The following STAP1 variants were observed in gnomAD, a reference collection of about 807,000 sequenced individuals.
STAP1 encodes the protein signal-transducing adaptor protein 1.
STAP1 carries 30 observed loss-of-function variants against 37.8 expected under a neutral mutation model. The observed-to-expected ratio is 0.79, with a 90% CI of 0.59 to 1.08. STAP1 has a LOEUF of 1.08. Among genes scored for constraint, STAP1 ranks in the 50% least tolerant of loss-of-function variants. The probability of loss-of-function intolerance (pLI) is 0.00; values close to 1 mark genes in which losing one functional copy is unlikely to be tolerated. For missense variants in STAP1, 357 were observed against 349.4 expected (o/e 1.02, Z -0.17); for synonymous variants, 130 against 116.0 (o/e 1.12, Z -0.78).
chr4:67,567,925 A>G (rs1251226413), intron 1 of STAP1, among the ~76,000 whole-genome samples: 1 of 152,234 alleles, frequency 6.6e-6, no homozygotes, highest in Admixed American at 6.5e-5. Context: ...TGAGAAATAG[A>G]AATCATTTGC....
At chr4:67,605,113 T>C (rs1728422908) in intron 8 of STAP1, among the ~76,000 whole-genome samples, 1 of 152,172 alleles carries the variant, frequency 6.6e-6, no homozygotes, top group South Asian at 2.1e-4. Flanking sequence ...TTCCTGGTGT[T>C]CTAGCTAGAA....
At chr4:67,576,662 T>G (rs1167681568) in intron 3 of STAP1, among the ~76,000 whole-genome samples, 1 of 152,104 alleles carries the variant, frequency 6.6e-6, no homozygotes, top group Non-Finnish European at 1.5e-5. Context: ...ACAGGCTAAT[T>G]TTTTGTATTT....
At chr4:67,584,606 A>C (rs1727940069) in intron 6 of STAP1, among the ~76,000 whole-genome samples, 1 of 152,244 alleles carries the variant, frequency 6.6e-6, no homozygotes, top group Admixed American at 6.5e-5. Context: ...ATTTAAGCAG[A>C]GAGCTGAAGG....
chr4:67,578,332 A>G (rs903212380), intron 4 of STAP1, among the ~76,000 whole-genome samples: 8 of 152,242 alleles, frequency 5.3e-5, no homozygotes, highest in African/African-American at 1.7e-4. Flanking sequence ...CACAGATTCT[A>G]TCCAAAGCTA....
chr4:67,581,629 A>G (rs544994479), intron 5 of STAP1, among the ~76,000 whole-genome samples, 158 bp downstream of exon 5: 20 of 152,310 alleles, frequency 1.3e-4, no homozygotes, highest in Admixed American at 3.3e-4. Context: ...TTCCTCTTCT[A>G]TGTCATGATC....
chr4:67,575,936 C>T (rs1727710470), intron 3 of STAP1, among the ~76,000 whole-genome samples: 1 of 152,180 alleles, frequency 6.6e-6, no homozygotes, highest in African/African-American at 2.4e-5. Context: ...ATCGCCTGTA[C>T]TAAGGAGATC....
intron 1 of STAP1, among the ~76,000 whole-genome samples, chr4:67,567,302 T>A (rs1213381215): frequency 6.6e-6 from 1 of 152,202 alleles, no homozygotes. Context: ...TTCTTTTCTA[T>A]GGTAATTTGT....
chr4:67,558,954 A>T lies in STAP1; in HGVS notation c.120+25A>T, dbSNP rs147072616. ...GGTGAGTCTATAGATGATAATGTTAAACCTAAGACTTCTGTTTTAATTTAA... is the reference window on the plus strand; with the variant it reads ...GGTGAGTCTATAGATGATAATGTTATACCTAAGACTTCTGTTTTAATTTAA... On this transcript the variant is annotated intron_variant, in intron 1 of 8. Coordinates refer to ENST00000265404, the MANE Select transcript of STAP1 (RefSeq NM_012108.4). 149 of 1,546,564 alleles carry T rather than the reference A, an allele frequency of 9.6e-5. No individual in the cohort carries two copies. The African/African-American group carries it at 1.7e-3, about 18-fold the overall frequency.
chr4:67,582,464 G>C (rs549899033), intron 5 of STAP1, among the ~76,000 whole-genome samples: 1 of 151,512 alleles, frequency 6.6e-6, no homozygotes, highest in East Asian at 1.9e-4. Flanking sequence ...ACCTGCCACC[G>C]TGCCCAGCTA....
intron 6 of STAP1, among the ~76,000 whole-genome samples, chr4:67,586,662 T>G (rs1437189152): frequency 6.6e-6 from 1 of 152,218 alleles, no homozygotes; most frequent in Non-Finnish European, 1.5e-5. Context: ...TTACTCACAA[T>G]TGTATTGTAT....
chr4:67,558,863 G>A lies in STAP1; in HGVS notation c.54G>A (p.Arg18=). 6.2e-7 allele frequency: 1 copy of A among 1,613,918 alleles called. No individual in the cohort carries two copies. The highest frequency in any genetic ancestry group is 8.5e-7 in the Non-Finnish European group (1 of 1,179,870). Reference sequence around the variant, plus strand: ...CCCCTCGCAGGATCTTCCAGGAAAGGTTAAAGATTACTGCTCTACCTTTGT... The same window carrying A: ...CCCCTCGCAGGATCTTCCAGGAAAGATTAAAGATTACTGCTCTACCTTTGT... The part of the protein sequence containing the change: ...KPAPRRIFQE[R]LKITALPLYF... The change falls in exon 1 of 9, where the codon AGG becomes AGA. Residue 18 remains arginine (R), a synonymous_variant. Transcript: ENST00000265404.
chr4:67,589,346 T>G (rs1290235768), intron 6 of STAP1, among the ~76,000 whole-genome samples: 1 of 152,192 alleles, frequency 6.6e-6, no homozygotes, highest in Non-Finnish European at 1.5e-5. Flanking sequence ...TGGTTGGGTT[T>G]TATCCCATGT....
At chr4:67,589,558 G>A (rs1728077365) in intron 6 of STAP1, among the ~76,000 whole-genome samples, 1 of 152,200 alleles carries the variant, frequency 6.6e-6, no homozygotes, top group Non-Finnish European at 1.5e-5. Flanking sequence ...GAACACTTTT[G>A]TTTTAGACAG....
chr4:67,562,961 C>T (rs185065801), intron 1 of STAP1, among the ~76,000 whole-genome samples: 66 of 152,226 alleles, frequency 4.3e-4, no homozygotes, highest in African/African-American at 1.5e-3. Flanking sequence ...TTATGCATCC[C>T]ATTTTGGAGA....
chr4:67,570,116 A>G (rs1282184664), intron 1 of STAP1, among the ~76,000 whole-genome samples: 2 of 152,186 alleles, frequency 1.3e-5, no homozygotes, highest in African/African-American at 4.8e-5. Context: ...CCTCCTGAAG[A>G]ACATGCTTGA....
chr4:67,562,688 C>A (rs995464206), intron 1 of STAP1, among the ~76,000 whole-genome samples: 1 of 151,442 alleles, frequency 6.6e-6, no homozygotes. Flanking sequence ...AGGAGAATGG[C>A]GTGAACCCAG....
chr4:67,578,114 C>T (rs1433144168), intron 4 of STAP1, among the ~76,000 whole-genome samples: 1 of 152,146 alleles, frequency 6.6e-6, no homozygotes. Context: ...ATCTGTTCAA[C>T]TCTGTGGTGT....
intron 8 of STAP1, among the ~76,000 whole-genome samples, chr4:67,603,157 C>T (rs2084150802): frequency 6.6e-6 from 1 of 152,116 alleles, no homozygotes; most frequent in African/African-American, 2.4e-5. Flanking sequence ...TGACTACCAC[C>T]ACCCTAGTCC....
chr4:67,593,184 G>C, intron 7 of STAP1, 76 bp from the exon 8 acceptor site: 1 of 991,590 alleles, frequency 1.0e-6, no homozygotes, highest in Non-Finnish European at 1.5e-6. Flanking sequence ...ATCTCCATTA[G>C]ATTCCAGTTG....
Sources: allele counts gnomAD v4.1 joint callset (sites outside exome capture counted in the v4.1 genomes callset), GRCh38; gene constraint gnomAD v4.1.1; transcripts MANE v1.5; gene names NCBI Gene and HGNC (gene_info 2026-07-23, HGNC 2026-07-21).